The following ERBB4 variants were observed in gnomAD, a reference collection of about 807,000 sequenced individuals.
ERBB4 encodes receptor tyrosine-protein kinase erbB-4.
A neutral mutation model predicts 158.0 loss-of-function variants in ERBB4; 42 were observed. The ratio of observed to expected loss-of-function variants is 0.27; its 90% CI spans 0.21 to 0.34. The LOEUF is 0.34. Ranked by LOEUF, ERBB4 falls within the 10% of genes least tolerant of loss-of-function variation. The pLI, the probability that ERBB4 is intolerant of heterozygous loss-of-function variation, is 1.00. For missense variants in ERBB4, 1,333 were observed against 1,624.1 expected (o/e 0.82, Z 3.08); for synonymous variants, 583 against 558.7 (o/e 1.04, Z -0.61).
At chr2:211,982,011 A>G (rs1261234184) in intron 2 of ERBB4, among the ~76,000 whole-genome samples, 2 of 152,136 alleles carry the variant, frequency 1.3e-5, no homozygotes, top group East Asian at 3.8e-4. Flanking sequence ...AAACTTCAAT[A>G]TATGCTTACT....
intron 3 of ERBB4, among the ~76,000 whole-genome samples, chr2:211,820,636 A>T (rs1250996948): frequency 6.6e-6 from 1 of 151,858 alleles, no homozygotes; most frequent in Admixed American, 6.6e-5. Flanking sequence ...TAAAACAAGA[A>T]AACTTCAGGC....
At chr2:211,808,849 T>G (rs1403639153) in intron 3 of ERBB4, among the ~76,000 whole-genome samples, 1 of 152,208 alleles carries the variant, frequency 6.6e-6, no homozygotes, top group Non-Finnish European at 1.5e-5. Context: ...TCACATCCCT[T>G]GTAAGTTGGA....
intron 20 of ERBB4, among the ~76,000 whole-genome samples, chr2:211,505,731 C>T (rs922420245): frequency 9.9e-5 from 15 of 152,172 alleles, no homozygotes; most frequent in African/African-American, 2.2e-4. Flanking sequence ...GAGGCAGAGG[C>T]GGGTGGATCA....
intron 1 of ERBB4, among the ~76,000 whole-genome samples, chr2:212,209,254 G>T (rs1203866857): frequency 2.0e-5 from 3 of 152,214 alleles, no homozygotes; most frequent in South Asian, 2.1e-4. Context: ...ATATAGAACT[G>T]AATGGTAAGA....
intron 20 of ERBB4, among the ~76,000 whole-genome samples, chr2:211,478,227 C>T (rs1024013313): frequency 1.3e-5 from 2 of 152,148 alleles, no homozygotes; most frequent in African/African-American, 4.8e-5. Context: ...TAGTCTATGC[C>T]AGCATTGGCC....
chr2:211,985,145 T>C (rs1005119966), intron 2 of ERBB4, among the ~76,000 whole-genome samples: 4 of 152,194 alleles, frequency 2.6e-5, no homozygotes, highest in African/African-American at 9.6e-5. Flanking sequence ...ACAAGACTCT[T>C]ACCACTGTCG....
In ERBB4 at chr2:212,327,735, T is replaced by TC. The variant is rs1265163680; in HGVS notation, c.83-202833_83-202832insG. 3.3e-5 allele frequency among the ~76,000 whole-genome samples: 5 copies of TC among 149,446 alleles called. No homozygotes were observed. The South Asian group carries it at 1.1e-3, about 32-fold the overall frequency. On this transcript the variant is annotated intron_variant, in intron 1 of 27. Coordinates refer to ENST00000342788, the MANE Select transcript of ERBB4 (RefSeq NM_005235.3). ...TTTTTTTTTTCTTTTTTTCTTTTTT[T>TC]TTTTTTGTAGGGGAGAGAAACGTTC...
intron 4 of ERBB4, among the ~76,000 whole-genome samples, chr2:211,776,690 T>C (rs1230085717): frequency 4.6e-5 from 7 of 152,174 alleles, no homozygotes; most frequent in African/African-American, 1.7e-4. Context: ...CAAATGGTTG[T>C]TTACAGTTCT....
intron 19 of ERBB4, among the ~76,000 whole-genome samples, chr2:211,615,826 AGTG>A (rs1311270020): frequency 2.6e-5 from 4 of 152,102 alleles, no homozygotes; most frequent in Non-Finnish European, 5.9e-5. Flanking sequence ...TGAATAGAGT[AGTG>A]GTTATTGAAT....
At chr2:212,159,960 C>G (rs1035509342) in intron 1 of ERBB4, among the ~76,000 whole-genome samples, 1 of 151,934 alleles carries the variant, frequency 6.6e-6, no homozygotes, top group Non-Finnish European at 1.5e-5. Context: ...TAGGGTTAGT[C>G]TAAGTCCAAA....
intron 3 of ERBB4, among the ~76,000 whole-genome samples, chr2:211,886,950 T>G (rs1369825317): frequency 6.6e-6 from 1 of 152,212 alleles, no homozygotes; most frequent in Non-Finnish European, 1.5e-5. Context: ...CACTTGTTCC[T>G]TATCATTTCC....
At chr2:211,746,618 C>T (rs1326398176) in intron 5 of ERBB4, among the ~76,000 whole-genome samples, 1 of 152,008 alleles carries the variant, frequency 6.6e-6, no homozygotes, top group African/African-American at 2.4e-5. Context: ...CACCTGAGGT[C>T]AGGAGTTCAA....
chr2:211,450,306 T>C (rs369381645), intron 20 of ERBB4, among the ~76,000 whole-genome samples: 2 of 152,106 alleles, frequency 1.3e-5, no homozygotes, highest in East Asian at 1.9e-4. Context: ...ATGTTGACTT[T>C]TATCTTAAGA....
At chr2:211,853,865 A>T (rs2077781598) in intron 3 of ERBB4, among the ~76,000 whole-genome samples, 1 of 152,172 alleles carries the variant, frequency 6.6e-6, no homozygotes, top group South Asian at 2.1e-4. Context: ...TACATTAGTT[A>T]TAATGACTTA....
chr2:211,517,548 T>G (rs1057400113), intron 20 of ERBB4, among the ~76,000 whole-genome samples: 1 of 152,128 alleles, frequency 6.6e-6, no homozygotes, highest in African/African-American at 2.4e-5. Flanking sequence ...GTGAGATAGC[T>G]TTTTTCCTTT....
chr2:211,776,917 A>G (rs1277030041), intron 4 of ERBB4, among the ~76,000 whole-genome samples: 1 of 152,142 alleles, frequency 6.6e-6, no homozygotes, highest in Non-Finnish European at 1.5e-5. Context: ...AAGATTTTTT[A>G]GAAAATTACA....
Position 212,080,311 on chromosome 2 carries a change from CA to C in ERBB4, c.234+44440del, listed in dbSNP as rs919494249. On this transcript the variant is annotated intron_variant, in intron 2 of 27. Coordinates refer to ENST00000342788, the MANE Select transcript of ERBB4 (RefSeq NM_005235.3). ...CTGACAACAGAGCCAGACTCCGTCT[CA>C]AAAAAAAATAAGAATAAAAATAAAA... Among the ~76,000 whole-genome samples, 4 of 142,476 alleles carry C rather than the reference CA, an allele frequency of 2.8e-5. No individual in the cohort carries two copies. The East Asian group carries it at 6.1e-4, about 22-fold the overall frequency. 93.5% of individuals were successfully genotyped at this position (142,476 alleles called of 152,430 possible).
chr2:211,554,511 G>A (rs759040243), intron 20 of ERBB4, among the ~76,000 whole-genome samples: 14 of 152,198 alleles, frequency 9.2e-5, no homozygotes, highest in Non-Finnish European at 1.9e-4. Context: ...GCCTAGGAGG[G>A]CCTGCAGGTA....
rs144021614 is a variant in ERBB4, at chr2:211,839,601, T to C, written c.422-51442A>G. ...CATTCAATATAATAATAACAATAACTGCATATTTCTTATTCTGCAGCAAAA... is the reference window on the plus strand; with the variant it reads ...CATTCAATATAATAATAACAATAACCGCATATTTCTTATTCTGCAGCAAAA... On this transcript the variant is annotated intron_variant, in intron 3 of 27. Coordinates refer to ENST00000342788, the MANE Select transcript of ERBB4 (RefSeq NM_005235.3). Among the ~76,000 whole-genome samples the C allele has an allele frequency of 4.3e-3, 649 of 152,216 alleles. 8 individuals carry two copies. Among genetic ancestry groups the C allele is most frequent in the African/African-American group, 0.014 (592 of 41,562 alleles).
Sources: gnomAD v4.1 joint callset for allele counts (sites outside exome capture counted in the v4.1 genomes callset) on GRCh38, gnomAD v4.1.1 for gene constraint, MANE v1.5 for transcripts, NCBI Gene and HGNC (gene_info 2026-07-23, HGNC 2026-07-21) for gene names.